Variants in TBX15 observed in about 807,000 individuals in gnomAD.
TBX15 encodes T-box transcription factor TBX15.
Under a neutral mutation model 53.9 loss-of-function variants are expected in TBX15, and 18 were observed. The ratio of observed to expected loss-of-function variants is 0.33; its 90% CI spans 0.23 to 0.49. The LOEUF is 0.49. Among genes scored for constraint, TBX15 ranks in the 20% least tolerant of loss-of-function variants. TBX15 has a pLI of 0.98. For missense variants in TBX15, 692 were observed against 749.5 expected (o/e 0.92, Z 0.90); for synonymous variants, 295 against 278.0 (o/e 1.06, Z -0.61).
chr1:118,961,252 G>A (rs945465263), intron 1 of TBX15, among the ~76,000 whole-genome samples: 3 of 152,180 alleles, frequency 2.0e-5, no homozygotes, highest in Non-Finnish European at 4.4e-5. Context: ...TTACATATCT[G>A]TCTTCTTAAG....
At chr1:118,933,830 T>A (rs1174193526) in intron 1 of TBX15, among the ~76,000 whole-genome samples, 1 of 152,200 alleles carries the variant, frequency 6.6e-6, no homozygotes, top group East Asian at 1.9e-4. Context: ...TATATTATTG[T>A]CCTGCTTTTG....
At chr1:118,977,710 G>A (rs1006649863) in intron 1 of TBX15, among the ~76,000 whole-genome samples, 1 of 152,220 alleles carries the variant, frequency 6.6e-6, no homozygotes, top group Non-Finnish European at 1.5e-5. Flanking sequence ...TTTTGCATCT[G>A]ACCCTGCCCT....
In TBX15 at chr1:118,885,374, G is replaced by A. The variant is rs1382986194; in HGVS notation, c.1167C>T (p.Ser389=). 6.2e-7 allele frequency: 1 copy of A among 1,614,004 alleles called. No homozygotes were observed. The highest frequency in any genetic ancestry group is 2.2e-5 in the East Asian group (1 of 44,848). ...PNTFNVGCRE[S]QLCNLNLSDY... ...CAGAGAGGTTTAGATTACACAGCTGGCTTTCTCGGCAGCCCACATTGAAAG... is the reference window on the plus strand; with the variant it reads ...CAGAGAGGTTTAGATTACACAGCTGACTTTCTCGGCAGCCCACATTGAAAG... Residue 389 remains serine (S), a synonymous_variant, in exon 8 of 8, where the codon AGC becomes AGT. Coordinates refer to ENST00000369429, the MANE Select transcript of TBX15 (RefSeq NM_001330677.2).
At chr1:118,890,782 C>G in intron 7 of TBX15, 2 of 750,994 alleles carry the variant, frequency 2.7e-6, no homozygotes, top group Non-Finnish European at 3.8e-6. Context: ...TTTTGCTGTG[C>G]TTTTCTCCCT....
chr1:118,989,421 C>A (rs561795889), upstream of TBX15: 1 of 152,312 alleles, frequency 6.6e-6, no homozygotes, highest in African/African-American at 2.4e-5. Context: ...AAGCTCAAAC[C>A]GGCAGCGAAG....
intron 1 of TBX15, among the ~76,000 whole-genome samples, chr1:118,967,293 T>C (rs1479095437): frequency 3.3e-5 from 5 of 152,230 alleles, no homozygotes; most frequent in Non-Finnish European, 5.9e-5. Context: ...TTTGTATTGT[T>C]TTCACTTAGT....
intron 1 of TBX15, among the ~76,000 whole-genome samples, chr1:118,986,005 G>T (rs982836045): frequency 6.6e-6 from 1 of 152,198 alleles, no homozygotes; most frequent in African/African-American, 2.4e-5. Context: ...GGCCCTAGAC[G>T]GGCTCCGTGC....
intron 1 of TBX15, among the ~76,000 whole-genome samples, chr1:118,947,173 C>T (rs1330410890): frequency 1.3e-5 from 2 of 152,212 alleles, no homozygotes; most frequent in African/African-American, 4.8e-5. Context: ...AGTGAGGCTG[C>T]CCCAGGTAGG....
At chr1:118,903,037 T>G (rs567722265) in intron 6 of TBX15, among the ~76,000 whole-genome samples, 1 of 152,148 alleles carries the variant, frequency 6.6e-6, no homozygotes, top group Admixed American at 6.5e-5. Context: ...ATCTCTGAGA[T>G]TTCCAATCAG....
chr1:118,919,711 C>T (rs1290819186), intron 5 of TBX15, among the ~76,000 whole-genome samples: 3 of 152,158 alleles, frequency 2.0e-5, no homozygotes, highest in Non-Finnish European at 4.4e-5. Context: ...AGGTCAGACG[C>T]AAATATCTTA....
At chr1:118,911,773 C>T (rs2101556083) in intron 6 of TBX15, among the ~76,000 whole-genome samples, 1 of 152,286 alleles carries the variant, frequency 6.6e-6, no homozygotes, top group African/African-American at 2.4e-5. Context: ...TGATGTTGCA[C>T]AGACATGCCT....
chr1:118,928,974 C>A (rs894581973), intron 2 of TBX15, among the ~76,000 whole-genome samples: 7 of 152,034 alleles, frequency 4.6e-5, no homozygotes, highest in African/African-American at 1.7e-4. Context: ...CTTCGCAAGC[C>A]TTTTTTTTCT....
At chr1:118,908,980 G>T (rs190023770) in intron 6 of TBX15, among the ~76,000 whole-genome samples, 1 of 152,086 alleles carries the variant, frequency 6.6e-6, no homozygotes, top group East Asian at 1.9e-4. Flanking sequence ...TCTCATCAGG[G>T]GCTTAATTAC....
intron 5 of TBX15, among the ~76,000 whole-genome samples, chr1:118,922,868 A>G (rs1294312432): frequency 6.6e-6 from 1 of 152,158 alleles, no homozygotes; most frequent in Admixed American, 6.6e-5. Flanking sequence ...TTTGTTCTTC[A>G]GTGTTCTACA....
intron 7 of TBX15, among the ~76,000 whole-genome samples, chr1:118,895,203 C>T (rs1654379661): frequency 6.6e-6 from 1 of 152,280 alleles, no homozygotes; most frequent in African/African-American, 2.4e-5. Context: ...CTTTAACTGC[C>T]TGACAAACAC....
intron 1 of TBX15, among the ~76,000 whole-genome samples, chr1:118,946,000 A>G (rs1452859024): frequency 6.6e-6 from 1 of 152,206 alleles, no homozygotes; most frequent in African/African-American, 2.4e-5. Context: ...TGTATGAGTG[A>G]AGGCAGATTT....
At chr1:118,909,190 A>G (rs1443246540) in intron 6 of TBX15, among the ~76,000 whole-genome samples, 1 of 152,152 alleles carries the variant, frequency 6.6e-6, no homozygotes, top group Non-Finnish European at 1.5e-5. Flanking sequence ...CTCTTGTTTC[A>G]CCCAAGCTCA....
intron 1 of TBX15, among the ~76,000 whole-genome samples, chr1:118,936,908 A>C (rs1040078246): frequency 3.3e-5 from 5 of 152,224 alleles, no homozygotes; most frequent in African/African-American, 1.2e-4. Flanking sequence ...ACTAGGTTAC[A>C]TATTAATGGA....
At position 118,917,029 on chromosome 1, in the gene TBX15, G is replaced by T. The variant is rs544309332; in HGVS notation, c.862-2850C>A. Among the ~76,000 whole-genome samples, 71 of 152,252 alleles carry T rather than the reference G, an allele frequency of 4.7e-4. 1 individual carries two copies. The highest frequency in any genetic ancestry group is 1.6e-3 in the African/African-American group (68 of 41,542). Reference sequence around the variant, plus strand: ...AGTGCAGGGATTCCTCAAAGACCTAGAATCAGAAATAGCATTTAACCTAGC... The same window carrying T: ...AGTGCAGGGATTCCTCAAAGACCTATAATCAGAAATAGCATTTAACCTAGC... On this transcript the variant is annotated intron_variant, in intron 5 of 7. Transcript: ENST00000369429.
Sources: gnomAD v4.1 joint callset for allele counts (sites outside exome capture counted in the v4.1 genomes callset) on GRCh38, gnomAD v4.1.1 for gene constraint, MANE v1.5 for transcripts, NCBI Gene and HGNC (gene_info 2026-07-23, HGNC 2026-07-21) for gene names.